Variants in VWA3B observed in about 807,000 individuals in gnomAD.
The protein encoded by VWA3B is von Willebrand factor A domain-containing protein 3B.
Under a neutral mutation model 158.3 loss-of-function variants are expected in VWA3B, and 138 were observed. That is an observed-to-expected ratio of 0.87 (90% CI 0.76 to 1.00). The LOEUF (loss-of-function observed/expected upper bound fraction) is 1.00, where lower values mean the gene tolerates loss of function less well. Ranked by LOEUF, VWA3B falls within the 50% of genes least tolerant of loss-of-function variation. VWA3B has a pLI of 0.00. For missense variants in VWA3B, 1,555 were observed against 1,565.1 expected, an observed-to-expected ratio of 0.99 and a Z score of 0.11; for synonymous variants, 596 against 587.3, an observed-to-expected ratio of 1.01 and a Z score of -0.21.
intron 22 of VWA3B, among the ~76,000 whole-genome samples, chr2:98,277,871 A>G (rs1688623623): frequency 6.6e-6 from 1 of 152,228 alleles, no homozygotes; most frequent in South Asian, 2.1e-4. Context: ...TCTTTCAGTT[A>G]TCAGTTATGT....
chr2:98,099,468 A>G (rs1184627187), intron 2 of VWA3B: 6 of 152,160 alleles, frequency 3.9e-5, no homozygotes, highest in Admixed American at 3.9e-4. Flanking sequence ...ACTTCCTTAT[A>G]TGTTACTAGC....
chr2:98,214,120 G>A (rs1287018818), intron 13 of VWA3B, among the ~76,000 whole-genome samples: 1 of 151,866 alleles, frequency 6.6e-6, no homozygotes, highest in East Asian at 1.9e-4. Flanking sequence ...GAAACCAGGA[G>A]TTCAAGGATG....
chr2:98,108,976 T>TA (rs1293823171), intron 2 of VWA3B, among the ~76,000 whole-genome samples: 1 of 150,582 alleles, frequency 6.6e-6, no homozygotes, highest in East Asian at 1.9e-4. Context: ...TATTTATCTA[T>TA]AATGTTTCTT....
intron 5 of VWA3B, 42 bp from the exon 6 acceptor site, chr2:98,128,197 G>A (rs1285932704): frequency 6.2e-7 from 1 of 1,607,610 alleles, no homozygotes; most frequent in East Asian, 2.2e-5. Context: ...ACCAAGCTAG[G>A]GCATGTGAGG....
the VWA3B span, among the ~76,000 whole-genome samples, chr2:98,324,346 A>G: frequency 2.6e-5 from 4 of 152,268 alleles, no homozygotes; most frequent in East Asian, 5.8e-4. Flanking sequence ...TATTTTTAGT[A>G]GAGATGAGGT....
intron 7 of VWA3B, among the ~76,000 whole-genome samples, chr2:98,154,885 G>A (rs933996437): frequency 6.6e-6 from 1 of 152,196 alleles, no homozygotes; most frequent in South Asian, 2.1e-4. Context: ...GTTGGGTGCT[G>A]TGCTGGGCTC....
chr2:98,193,824 G>C (rs770409903), intron 11 of VWA3B, among the ~76,000 whole-genome samples: 1 of 152,048 alleles, frequency 6.6e-6, no homozygotes, highest in East Asian at 1.9e-4. Context: ...TCCTGACCTC[G>C]TGATCCGCCC....
At chr2:98,296,876 T>C (rs1689831352) in intron 23 of VWA3B, among the ~76,000 whole-genome samples, 1 of 151,154 alleles carries the variant, frequency 6.6e-6, no homozygotes, top group Admixed American at 6.6e-5. Flanking sequence ...ATTCTAATAA[T>C]TATATTAATT....
intron 13 of VWA3B, among the ~76,000 whole-genome samples, chr2:98,217,457 ACT>A (rs1188034128): frequency 2.0e-5 from 3 of 148,368 alleles, no homozygotes; most frequent in East Asian, 3.9e-4. Context: ...CTCTTCCTTC[ACT>A]CTCTGTGGGA....
chr2:98,269,868 G>A (rs1304463919), intron 21 of VWA3B, among the ~76,000 whole-genome samples: 3 of 152,190 alleles, frequency 2.0e-5, no homozygotes, highest in Admixed American at 6.5e-5. Context: ...TTCTGGGTAC[G>A]AGTTTGTTTG....
intron 7 of VWA3B, among the ~76,000 whole-genome samples, chr2:98,143,464 T>C (rs1286987405): frequency 6.6e-6 from 1 of 152,262 alleles, no homozygotes; most frequent in East Asian, 1.9e-4. Flanking sequence ...GTAGCACTGC[T>C]CTAGCTGTGT....
At chr2:98,273,085 G>A (rs1182309925) in intron 22 of VWA3B, among the ~76,000 whole-genome samples, 1 of 152,180 alleles carries the variant, frequency 6.6e-6, no homozygotes, top group Non-Finnish European at 1.5e-5. Flanking sequence ...AACTAAGAGA[G>A]ATCTGGAATA....
chr2:98,232,933 G>T (rs1270210408), intron 16 of VWA3B, among the ~76,000 whole-genome samples: 1 of 152,100 alleles, frequency 6.6e-6, no homozygotes, highest in East Asian at 1.9e-4. Context: ...CACATTGCTG[G>T]CAGGGAGGAG....
intron 9 of VWA3B, among the ~76,000 whole-genome samples, chr2:98,185,348 C>A (rs979872387): frequency 6.6e-6 from 1 of 152,204 alleles, no homozygotes; most frequent in African/African-American, 2.4e-5. Flanking sequence ...ACTCACCTGG[C>A]AAAACCCCAG....
At chr2:98,153,816 T>C (rs1054038264) in intron 7 of VWA3B, among the ~76,000 whole-genome samples, 1 of 152,332 alleles carries the variant, frequency 6.6e-6, no homozygotes, top group African/African-American at 2.4e-5. Context: ...TTTAATTCCC[T>C]TCAAAGTCCT....
intron 21 of VWA3B, among the ~76,000 whole-genome samples, chr2:98,266,313 C>T (rs1175886102): frequency 6.6e-6 from 1 of 151,712 alleles, no homozygotes; most frequent in East Asian, 1.9e-4. Flanking sequence ...ATCCTTTCCC[C>T]ATTGCTTGTT....
chr2:98,325,986 T>C, the VWA3B span, among the ~76,000 whole-genome samples: 1 of 152,222 alleles, frequency 6.6e-6, no homozygotes, highest in Admixed American at 6.5e-5. Context: ...ATATAAAGTG[T>C]GTTCTTGGCC....
At chr2:98,184,703 C>T (rs965034893) in intron 9 of VWA3B, among the ~76,000 whole-genome samples, 11 of 152,218 alleles carry the variant, frequency 7.2e-5, no homozygotes, top group South Asian at 4.1e-4. Context: ...GGATGCTTAC[C>T]GGGGCTCCTC....
chr2:98,288,619 T>C (rs1205186967), intron 22 of VWA3B, among the ~76,000 whole-genome samples: 1 of 152,230 alleles, frequency 6.6e-6, no homozygotes. Context: ...AAAGTACATG[T>C]TTCATATAGT....
Sources: gnomAD v4.1 joint callset for allele counts (sites outside exome capture counted in the v4.1 genomes callset) on GRCh38, gnomAD v4.1.1 for gene constraint, MANE v1.5 for transcripts, NCBI Gene and HGNC (gene_info 2026-07-23, HGNC 2026-07-21) for gene names.